Variants in GJA5 observed in about 807,000 individuals in gnomAD.
GJA5 encodes the protein gap junction protein alpha 5.
Under a neutral mutation model 7.9 loss-of-function variants are expected in GJA5, and 3 were observed. The observed-to-expected ratio is 0.38, with a 90% CI of 0.17 to 0.99. The LOEUF is 0.99. Among genes scored for constraint, GJA5 ranks in the 50% least tolerant of loss-of-function variants. The pLI is 0.38. For missense variants in GJA5, 390 were observed against 457.9 expected (o/e 0.85, Z 1.35); for synonymous variants, 193 against 181.0 (o/e 1.07, Z -0.53).
At chr1:147,771,238 G>A (rs1664390375) in intron 1 of GJA5, among the ~76,000 whole-genome samples, 1 of 152,122 alleles carries the variant, frequency 6.6e-6, no homozygotes, top group Non-Finnish European at 1.5e-5. Context: ...ATGAAGAGCA[G>A]GTGGGCAGGT....
chr1:147,764,970 C>T (rs1221516875), upstream of GJA5, among the ~76,000 whole-genome samples: 5 of 151,896 alleles, frequency 3.3e-5, no homozygotes, highest in Non-Finnish European at 7.4e-5. Context: ...TAGGTTCTCT[C>T]ATTTGGTACA....
rs1384966203 is a variant in GJA5 at position 147,758,375 on chromosome 1, G to A, written c.864C>T (p.Ala288=). ...CCAGGTTGTCTGTGTTTTGTTGGGAGGCCATATTATTGCTGAAGGGATTGA... is the reference window on the plus strand; with the variant it reads ...CCAGGTTGTCTGTGTTTTGTTGGGAAGCCATATTATTGCTGAAGGGATTGA... ...KFFNPFSNNM[A]SQQNTDNLVT... Residue 288 remains alanine (A), a synonymous_variant, in exon 2 of 2, where the codon GCC becomes GCT. Coordinates refer to ENST00000579774, the MANE Select transcript of GJA5 (RefSeq NM_181703.4). The A allele has an allele frequency of 1.3e-5, 21 of 1,614,038 alleles. No homozygotes were observed. Among genetic ancestry groups the A allele is most frequent in the Admixed American group, 1.7e-5 (1 of 60,000 alleles).
chr1:147,757,426 G>A lies in GJA5; in HGVS notation c.*736C>T, dbSNP rs1332328666. On this transcript the variant is annotated 3_prime_UTR_variant, in exon 2 of 2. Transcript: ENST00000579774. ...AGTTTGTGTGTACAGTGACTCCCTA[G>A]CAGGGCTGACACCTGCACAGGCTAG... is the stretch of plus-strand genomic sequence containing the variant. The A allele has an allele frequency of 6.5e-6, 1 of 153,034 alleles. No homozygotes were observed. The highest frequency in any genetic ancestry group is 1.5e-5 in the Non-Finnish European group (1 of 68,680). 9.5% of individuals were successfully genotyped at this position (153,034 alleles called of 1,614,324 possible).
At chr1:147,764,431 T>C (rs1330681475), upstream of GJA5, among the ~76,000 whole-genome samples, 2 of 152,228 alleles carry the variant, frequency 1.3e-5, no homozygotes, top group Non-Finnish European at 2.9e-5. Context: ...GATACTTTGC[T>C]GAGTCCCCTT....
upstream of GJA5, among the ~76,000 whole-genome samples, chr1:147,761,299 A>G (rs1038276638): frequency 1.3e-5 from 2 of 152,128 alleles, no homozygotes; most frequent in Non-Finnish European, 2.9e-5. Flanking sequence ...TTTGACCGTC[A>G]TATCTTTGCT....
At chr1:147,772,496 A>G (rs1034768951) in intron 1 of GJA5, among the ~76,000 whole-genome samples, 51 of 152,172 alleles carry the variant, frequency 3.4e-4, no homozygotes, top group Admixed American at 9.8e-4. Flanking sequence ...TGTCTGCTAC[A>G]AGGCCTCCCA....
At chr1:147,763,897 C>T (rs1664109344), upstream of GJA5, among the ~76,000 whole-genome samples, 1 of 152,126 alleles carries the variant, frequency 6.6e-6, no homozygotes, top group African/African-American at 2.4e-5. Flanking sequence ...GCAACCTCTG[C>T]CTCCCAGTTT....
upstream of GJA5, among the ~76,000 whole-genome samples, chr1:147,764,595 C>T (rs1261482652): frequency 3.3e-5 from 5 of 152,112 alleles, no homozygotes; most frequent in East Asian, 1.9e-4. Flanking sequence ...AAGGCCGAGG[C>T]GGGCAGATCA....
At chr1:147,760,088 G>A (rs905239680) in intron 1 of GJA5, among the ~76,000 whole-genome samples, 54 of 151,508 alleles carry the variant, frequency 3.6e-4, no homozygotes, top group African/African-American at 1.1e-3. Flanking sequence ...GGCTGGTAAG[G>A]CAATGTTGAT....
At chr1:147,765,482 C>G (rs1257973461), upstream of GJA5, among the ~76,000 whole-genome samples, 3 of 152,106 alleles carry the variant, frequency 2.0e-5, no homozygotes, top group Non-Finnish European at 2.9e-5. Context: ...GGAGATAACT[C>G]TGGTGTAGGA....
upstream of GJA5, chr1:147,760,604 G>C (rs1238662712): frequency 6.6e-6 from 1 of 152,342 alleles, no homozygotes; most frequent in Non-Finnish European, 1.5e-5. Flanking sequence ...TGTATCACCA[G>C]AGCCTGGCCC....
At chr1:147,764,298 A>G (rs1342728463), upstream of GJA5, among the ~76,000 whole-genome samples, 7 of 152,196 alleles carry the variant, frequency 4.6e-5, no homozygotes, top group African/African-American at 1.7e-4. Flanking sequence ...ACTCCAGAAG[A>G]CTGAGCATCT....
rs1380122320 is a variant in GJA5 at position 147,758,993 on chromosome 1, G to T, written c.246C>A (p.Ile82=). The T allele has an allele frequency of 4.3e-6, 7 of 1,614,116 alleles. No homozygotes were observed. The highest frequency in any genetic ancestry group is 4.2e-6 in the Non-Finnish European group (5 of 1,180,038). The stretch of plus-strand genomic sequence containing the variant: ...CCAGAGAGGGCGTGGAGACGAAGAT[G>T]ATCTGCAGCACCCAGTAGCGAATGT... ...ISHIRYWVLQ[I]IFVSTPSLVY... Residue 82 remains isoleucine, a synonymous_variant, in exon 2 of 2, where the codon ATC becomes ATA. Coordinates refer to ENST00000579774, the MANE Select transcript of GJA5 (RefSeq NM_181703.4).
chr1:147,766,957 T>G (rs1664226008), intron 1 of GJA5, among the ~76,000 whole-genome samples: 1 of 152,182 alleles, frequency 6.6e-6, no homozygotes, highest in East Asian at 1.9e-4. Flanking sequence ...TCAGTGCAGT[T>G]TAGTTCAGAA....
intron 1 of GJA5, among the ~76,000 whole-genome samples, chr1:147,772,648 C>T (rs782710024): frequency 6.6e-6 from 1 of 152,148 alleles, no homozygotes; most frequent in African/African-American, 2.4e-5. Context: ...TGGCCTTCCT[C>T]GCTGGTTTCA....
upstream of GJA5, among the ~76,000 whole-genome samples, chr1:147,765,429 G>T (rs1664164928): frequency 6.6e-6 from 1 of 152,202 alleles, no homozygotes; most frequent in Non-Finnish European, 1.5e-5. Flanking sequence ...CCCTCCAAGA[G>T]TGGAGCTCAT....
chr1:147,767,932 G>T (rs1553228463), intron 1 of GJA5, among the ~76,000 whole-genome samples: 1 of 152,228 alleles, frequency 6.6e-6, no homozygotes. Flanking sequence ...ATAGGGAGTT[G>T]ATTGTAGGTG....
intron 1 of GJA5, among the ~76,000 whole-genome samples, chr1:147,767,145 G>A (rs1469360509): frequency 6.6e-6 from 1 of 152,182 alleles, no homozygotes; most frequent in Admixed American, 6.5e-5. Context: ...AGAATTGCAT[G>A]AGAAAGTGGT....
intron 1 of GJA5, among the ~76,000 whole-genome samples, chr1:147,768,527 A>C (rs1664287518): frequency 6.6e-6 from 1 of 152,228 alleles, no homozygotes; most frequent in Non-Finnish European, 1.5e-5. Flanking sequence ...ATTACTAATG[A>C]AAATTATAAT....
Sources: gnomAD v4.1 joint callset for allele counts (sites outside exome capture counted in the v4.1 genomes callset) on GRCh38, gnomAD v4.1.1 for gene constraint, MANE v1.5 for transcripts, NCBI Gene and HGNC (gene_info 2026-07-23, HGNC 2026-07-21) for gene names.